Variants in PIGN observed in about 807,000 individuals in gnomAD.
PIGN encodes phosphatidylinositol glycan anchor biosynthesis class N.
In PIGN, 117 loss-of-function variants were observed where a neutral mutation model predicts 125.4. That is an observed-to-expected ratio of 0.93 (90% CI 0.80 to 1.09). PIGN has a LOEUF of 1.09. Ranked by LOEUF, PIGN falls within the 50% of genes least tolerant of loss-of-function variation. PIGN has a pLI of 0.00. For missense variants in PIGN, 1,075 were observed against 1,094.9 expected, an observed-to-expected ratio of 0.98 and a Z score of 0.26; for synonymous variants, 392 against 377.8, an observed-to-expected ratio of 1.04 and a Z score of -0.44.
At position 62,157,691 on chromosome 18, in the gene PIGN, G is replaced by C; in HGVS notation, c.339C>G (p.Ala113=). 2.5e-6 allele frequency: 4 copies of C among 1,609,764 alleles called. No individual in the cohort carries two copies. The highest frequency in any genetic ancestry group is 3.4e-6 in the Non-Finnish European group (4 of 1,177,896). Residue 113 remains alanine (A), a synonymous_variant, in exon 5 of 31, where the codon GCC becomes GCG. Transcript: ENST00000640252. ...GATTGTCCAAATAGACAATACCTTT[G>C]GCAACTGCACTGACATCTTCATAAA... The part of the protein sequence containing the change: ...AGFYEDVSAV[A]KGWKENPVEF...
chr18:62,086,343 G>A (rs2033699823), intron 25 of PIGN, among the ~76,000 whole-genome samples: 1 of 152,232 alleles, frequency 6.6e-6, no homozygotes, highest in African/African-American at 2.4e-5. Context: ...ACTGGGCCGG[G>A]TGTAGTGGCT....
chr18:62,024,670 C>T (rs2030094844), intron 23 of PIGN, among the ~76,000 whole-genome samples: 1 of 152,128 alleles, frequency 6.6e-6, no homozygotes, highest in Admixed American at 6.6e-5. Context: ...TCACTAGCTC[C>T]TGTGGCTCAA....
chr18:62,144,815 C>G (rs2036260210), intron 10 of PIGN, among the ~76,000 whole-genome samples: 1 of 152,096 alleles, frequency 6.6e-6, no homozygotes, highest in African/African-American at 2.4e-5. Flanking sequence ...AAAAATGTGG[C>G]AGACTGAGTC....
chr18:62,161,792 T>C (rs1263695598), intron 3 of PIGN, among the ~76,000 whole-genome samples: 1 of 152,218 alleles, frequency 6.6e-6, no homozygotes, highest in Non-Finnish European at 1.5e-5. Context: ...TGGTTGTACA[T>C]ATGACAATCA....
At chr18:62,051,170 G>GTTGT (rs2031250812) in intron 30 of PIGN, among the ~76,000 whole-genome samples, 1 of 150,848 alleles carries the variant, frequency 6.6e-6, no homozygotes, top group Admixed American at 6.6e-5. Flanking sequence ...CTCTTTTTTG[G>GTTGT]TTGTGTCTCT....
chr18:62,180,361 T>G (rs1259693071), intron 1 of PIGN, among the ~76,000 whole-genome samples: 3 of 152,170 alleles, frequency 2.0e-5, no homozygotes, highest in African/African-American at 7.2e-5. Flanking sequence ...TATGGACCAA[T>G]AAGATTGAAA....
At chr18:62,175,322 A>G (rs1435732095) in intron 1 of PIGN, among the ~76,000 whole-genome samples, 1 of 151,828 alleles carries the variant, frequency 6.6e-6, no homozygotes, top group Non-Finnish European at 1.5e-5. Context: ...TACTCTACAA[A>G]TTGTAGAACA....
At chr18:62,064,695 T>G (rs984398531) in intron 30 of PIGN, among the ~76,000 whole-genome samples, 1 of 152,188 alleles carries the variant, frequency 6.6e-6, no homozygotes, top group African/African-American at 2.4e-5. Flanking sequence ...TAAATGATAT[T>G]CTACTCTAGT....
intron 23 of PIGN, among the ~76,000 whole-genome samples, chr18:62,022,964 T>G (rs2030071239): frequency 6.6e-6 from 1 of 152,234 alleles, no homozygotes; most frequent in Non-Finnish European, 1.5e-5. Flanking sequence ...TAATGACTTA[T>G]ACAATGTAAG....
At chr18:62,067,056 C>T (rs866816638) in intron 30 of PIGN, among the ~76,000 whole-genome samples, 1 of 152,132 alleles carries the variant, frequency 6.6e-6, no homozygotes, top group African/African-American at 2.4e-5. Context: ...CATGCAAGTA[C>T]TAGAAAAGCA....
chr18:62,030,385 G>C (rs2030179820), intron 23 of PIGN, among the ~76,000 whole-genome samples: 1 of 152,198 alleles, frequency 6.6e-6, no homozygotes, highest in African/African-American at 2.4e-5. Context: ...TGAGAATGAG[G>C]CACTTCTCAA....
At chr18:62,110,248 G>A (rs937566874) in intron 16 of PIGN, 2 of 289,250 alleles carry the variant, frequency 6.9e-6, no homozygotes, top group Non-Finnish European at 1.3e-5. Context: ...CAAGTAACTT[G>A]TTCAGAATTC....
intron 14 of PIGN, among the ~76,000 whole-genome samples, chr18:62,117,113 A>G (rs896980300): frequency 6.6e-6 from 1 of 152,130 alleles, no homozygotes; most frequent in Non-Finnish European, 1.5e-5. Context: ...GATTTGCAAT[A>G]TATCTGGAAT....
chr18:62,167,376 AATCCC>A lies in PIGN; in HGVS notation c.-235-3725_-235-3721del, dbSNP rs372748640. Among the ~76,000 whole-genome samples the A allele has an allele frequency of 7.1e-4, 98 of 137,886 alleles. No homozygotes were observed. In the East Asian group the frequency reaches 0.017, roughly 23 times the overall value. The allele number at this position is 137,886 out of a possible 152,430, so 90.5% of individuals were successfully genotyped here. ...GCCAGGCATGGTGGCTCATGCCTGTAATCCCAGCATTTTGGGAGGCCGAGGTGGGT... is the reference window on the plus strand; with the variant it reads ...GCCAGGCATGGTGGCTCATGCCTGTAAGCATTTTGGGAGGCCGAGGTGGGT... On this transcript the variant is annotated intron_variant, in intron 1 of 30. Coordinates refer to ENST00000640252, the MANE Select transcript of PIGN (RefSeq NM_176787.5).
intron 23 of PIGN, among the ~76,000 whole-genome samples, chr18:62,021,048 G>C: frequency 6.6e-6 from 1 of 151,958 alleles, no homozygotes; most frequent in Non-Finnish European, 1.5e-5. Context: ...TTCTTTCGGG[G>C]TGAATAAAAA....
intron 23 of PIGN, among the ~76,000 whole-genome samples, chr18:62,026,073 A>T (rs2030114738): frequency 6.6e-6 from 1 of 152,182 alleles, no homozygotes; most frequent in African/African-American, 2.4e-5. Flanking sequence ...GGACACATTT[A>T]TTTGTAATAT....
At chr18:62,168,410 CT>C (rs925751287) in intron 1 of PIGN, among the ~76,000 whole-genome samples, 1 of 152,026 alleles carries the variant, frequency 6.6e-6, no homozygotes, top group Non-Finnish European at 1.5e-5. Context: ...CCTATTTGTT[CT>C]TTTTTCCCAC....
intron 28 of PIGN, among the ~76,000 whole-genome samples, chr18:62,078,700 G>A (rs2033298586): frequency 6.6e-6 from 1 of 152,134 alleles, no homozygotes; most frequent in Admixed American, 6.5e-5. Context: ...TAGTTATATG[G>A]TATTATTTGA....
At chr18:62,029,606 G>C in intron 23 of PIGN, among the ~76,000 whole-genome samples, 1 of 152,186 alleles carries the variant, frequency 6.6e-6, no homozygotes, top group Non-Finnish European at 1.5e-5. Context: ...TATGCTCCAG[G>C]ATATATTCAG....
Sources: gnomAD v4.1 joint callset for allele counts (sites outside exome capture counted in the v4.1 genomes callset) on GRCh38, gnomAD v4.1.1 for gene constraint, MANE v1.5 for transcripts, NCBI Gene and HGNC (gene_info 2026-07-23, HGNC 2026-07-21) for gene names.